TTC9C: variants seen among roughly 807,000 people sequenced by gnomAD.
TTC9C encodes tetratricopeptide repeat protein 9C.
A neutral mutation model predicts 22.5 loss-of-function variants in TTC9C; 15 were observed. The observed-to-expected ratio is 0.67, with a 90% CI of 0.45 to 1.03. TTC9C has a LOEUF of 1.03. Ranked by LOEUF, TTC9C falls within the 50% of genes least tolerant of loss-of-function variation. The pLI is 0.00. For synonymous variants in TTC9C, 92 were observed against 86.8 expected (o/e 1.06, Z -0.33); for missense variants, 244 against 214.6 (o/e 1.14, Z -0.86).
intron 1 of TTC9C, among the ~76,000 whole-genome samples, chr11:62,732,029 C>G (rs146322375): frequency 0.011 from 1,377 of 126,518 alleles, 24 homozygotes; most frequent in African/African-American, 0.037. Context: ...CCAAGTCTCA[C>G]TCTGTCGCCC....
At chr11:62,730,680 TCTC>T (rs1199667877) in intron 1 of TTC9C, among the ~76,000 whole-genome samples, 1 of 152,132 alleles carries the variant, frequency 6.6e-6, no homozygotes, top group Admixed American at 6.6e-5. Flanking sequence ...TTCAAGCAAT[TCTC>T]CTTCCTCAGC....
chr11:62,731,707 T>G (rs1460859268), intron 1 of TTC9C, among the ~76,000 whole-genome samples: 2 of 150,956 alleles, frequency 1.3e-5, no homozygotes, highest in African/African-American at 4.9e-5. Flanking sequence ...TTTTTTTTTT[T>G]GAGACAGAGT....
chr11:62,738,441 G>C lies in TTC9C; in HGVS notation c.*59G>C. ...GGTGGACCATTAAACATGCATGAAGGAGAAATCTGAGCCTCAGCAAGAGAA... is the reference window on the plus strand; with the variant it reads ...GGTGGACCATTAAACATGCATGAAGCAGAAATCTGAGCCTCAGCAAGAGAA... On this transcript the variant is annotated 3_prime_UTR_variant, in exon 3 of 3. Coordinates refer to ENST00000316461, the MANE Select transcript of TTC9C (RefSeq NM_173810.4). The C allele has an allele frequency of 8.3e-7, 1 of 1,203,704 alleles. No homozygotes were observed. The allele number at this position is 1,203,704 out of a possible 1,614,324, so 74.6% of individuals were successfully genotyped here. A position where few individuals can be genotyped will look rare whatever the true frequency, so the allele number is the denominator to read the frequency against.
In TTC9C at chr11:62,728,788, A is replaced by G. The variant is rs766596796; in HGVS notation, c.-61A>G. ...TGCTACTGTCAGTTATTTTGCTCCC[A>G]ACCCCAGAGCTTCACTTGCTCCTTC... On this transcript the variant is annotated 5_prime_UTR_variant, in exon 1 of 3. Coordinates refer to ENST00000316461, the MANE Select transcript of TTC9C (RefSeq NM_173810.4). The G allele has an allele frequency of 6.4e-6, 10 of 1,565,828 alleles. No individual in the cohort carries two copies. The highest frequency in any genetic ancestry group is 4.4e-6 in the Non-Finnish European group (5 of 1,137,072).
chr11:62,728,551 A>C lies in TTC9C; in HGVS notation c.-298A>C. The C allele has an allele frequency of 1.9e-6, 1 of 525,050 alleles. No homozygotes were observed. The highest frequency in any genetic ancestry group is 1.5e-5 in the South Asian group (1 of 65,132). The allele number at this position is 525,050 out of a possible 1,614,324, so 32.5% of individuals were successfully genotyped here. ...AGGGCCTTGCTTGAGTTCTTCGGAA[A>C]GTCTCATCCACCCCCACATCGCCTC... On this transcript the variant is annotated 5_prime_UTR_variant, in exon 1 of 3. Transcript: ENST00000316461.
chr11:62,738,050 T>A (rs576924486), intron 2 of TTC9C, among the ~76,000 whole-genome samples: 5 of 149,402 alleles, frequency 3.3e-5, no homozygotes, highest in Admixed American at 1.3e-4. Flanking sequence ...AGTAAATAAA[T>A]AAAATAAATA....
rs1565169381 is a variant in TTC9C at position 62,729,412 on chromosome 11, TTTTTG to T, written c.238+327_238+331del. The stretch of plus-strand genomic sequence containing the variant: ...ATTTTATTTTATTTTATTTTATTTT[TTTTTG>T]AGATGGAGTCTCGCTCTGTCTCCCA... On this transcript the variant is annotated intron_variant, in intron 1 of 2. Transcript: ENST00000316461. Among the ~76,000 whole-genome samples the T allele has an allele frequency of 7.5e-5, 9 of 120,348 alleles. No individual in the cohort carries two copies. In the East Asian group the frequency reaches 1.7e-3, roughly 23 times the overall value. The allele number at this position is 120,348 out of a possible 152,430, so 79.0% of individuals were successfully genotyped here.
At position 62,738,415 on chromosome 11, in the gene TTC9C, A is replaced by AG. The variant is rs775753129; in HGVS notation, c.*35dup. ...GAAAGATGCTCCTCCAGTTGAACTT[A>AG]GGTGGACCATTAAACATGCATGAAG... is the stretch of plus-strand genomic sequence containing the variant. On this transcript the variant is annotated 3_prime_UTR_variant, in exon 3 of 3. Coordinates refer to ENST00000316461, the MANE Select transcript of TTC9C (RefSeq NM_173810.4). 2.1e-6 allele frequency: 3 copies of AG among 1,432,210 alleles called. No individual in the cohort carries two copies. Among genetic ancestry groups the AG allele is most frequent in the Non-Finnish European group, 9.8e-7 (1 of 1,022,104 alleles). The allele number at this position is 1,432,210 out of a possible 1,614,324, so 88.7% of individuals were successfully genotyped here.
intron 1 of TTC9C, 134 bp from the exon 2 acceptor site, chr11:62,735,248 G>T: frequency 8.5e-7 from 1 of 1,171,846 alleles, no homozygotes; most frequent in South Asian, 1.6e-5. Flanking sequence ...AGAGTGTCTG[G>T]CATATGGGAG....
chr11:62,737,639 A>G lies in TTC9C; in HGVS notation c.422-649A>G, dbSNP rs1366828691. On this transcript the variant is annotated intron_variant, in intron 2 of 2. Coordinates refer to ENST00000316461, the MANE Select transcript of TTC9C (RefSeq NM_173810.4). The stretch of plus-strand genomic sequence containing the variant: ...TATAAGCCATTTGTTCATGTTTCTC[A>G]GCATCCAATACATAAATTAACTGCC... 4.6e-5 allele frequency among the ~76,000 whole-genome samples: 7 copies of G among 152,350 alleles called. No individual in the cohort carries two copies. In the East Asian group the frequency reaches 1.2e-3, roughly 25 times the overall value.
chr11:62,735,923 T>C (rs1246536735), intron 2 of TTC9C: 1 of 154,188 alleles, frequency 6.5e-6, no homozygotes, highest in African/African-American at 2.4e-5. Flanking sequence ...TATATATTTA[T>C]ACATATACAT....
chr11:62,728,290 G>A (rs1307806151), upstream of TTC9C: 3 of 346,218 alleles, frequency 8.7e-6, no homozygotes, highest in African/African-American at 6.5e-5. Context: ...CAGCTGTGAC[G>A]CTTATGTGGA....
rs745832083 is a variant in TTC9C, at chr11:62,729,011, C to G, written c.163C>G (p.Gln55Glu). The change falls in exon 1 of 3, where the codon CAG becomes GAG. Residue 55 changes from glutamine to glutamate, a missense_variant. Physicochemically the swap from Gln to Glu is conservative, Grantham distance 29 (BLOSUM62 2). Coordinates refer to ENST00000316461, the MANE Select transcript of TTC9C (RefSeq NM_173810.4). ...LPSPLPNLGP[Q>E]GPALTPEQEN... Reference sequence around the variant, plus strand: ...CTCTCCGTTACCTAATCTCGGACCTCAGGGCCCGGCCCTCACGCCTGAACA... The same window carrying G: ...CTCTCCGTTACCTAATCTCGGACCTGAGGGCCCGGCCCTCACGCCTGAACA... 1.9e-6 allele frequency: 3 copies of G among 1,614,028 alleles called. No individual in the cohort carries two copies. The highest frequency in any genetic ancestry group is 2.7e-5 in the African/African-American group (2 of 74,894).
At chr11:62,734,416 A>G (rs748358624) in intron 1 of TTC9C, among the ~76,000 whole-genome samples, 11 of 151,914 alleles carry the variant, frequency 7.2e-5, no homozygotes, top group Non-Finnish European at 1.5e-4. Flanking sequence ...CCTGGCCAAC[A>G]TGGTGAAACC....
chr11:62,732,676 T>C (rs1233379023), intron 1 of TTC9C, among the ~76,000 whole-genome samples: 1 of 151,642 alleles, frequency 6.6e-6, no homozygotes, highest in Non-Finnish European at 1.5e-5. Context: ...ATCCCAGCCC[T>C]TTGGGAGCCC....
At chr11:62,735,798 T>C (rs769412259) in intron 2 of TTC9C, 18 of 500,638 alleles carry the variant, frequency 3.6e-5, no homozygotes, top group Non-Finnish European at 5.5e-5. Flanking sequence ...GGTTGATGCT[T>C]AATCAGACAT....
At chr11:62,729,149 A>C in intron 1 of TTC9C, 63 bp downstream of exon 1, 1 of 1,424,708 alleles carries the variant, frequency 7.0e-7, no homozygotes, top group Non-Finnish European at 9.7e-7. Flanking sequence ...ATCTGTGAAC[A>C]TTGGGGGAAA....
intron 2 of TTC9C, chr11:62,736,220 A>AG (rs2083910154): frequency 7.9e-5 from 1 of 12,700 alleles, no homozygotes; most frequent in African/African-American, 1.4e-4. Context: ...ATTCTGTCTC[A>AG]AAAAAAAAAA....
intron 1 of TTC9C, chr11:62,733,299 A>G (rs957872792): frequency 3.1e-5 from 17 of 556,364 alleles, no homozygotes; most frequent in Non-Finnish European, 1.3e-5. Context: ...ACAACACTTC[A>G]TTCAAATTTC....
Sources: gnomAD v4.1 joint callset for allele counts (sites outside exome capture counted in the v4.1 genomes callset) on GRCh38, gnomAD v4.1.1 for gene constraint, MANE v1.5 for transcripts, NCBI Gene and HGNC (gene_info 2026-07-23, HGNC 2026-07-21) for gene names.